PDE10A: variants seen among roughly 807,000 people sequenced by gnomAD.
PDE10A encodes the protein cAMP and cAMP-inhibited cGMP 3',5'-cyclic phosphodiesterase 10A.
In PDE10A, 39 loss-of-function variants were observed where a neutral mutation model predicts 97.7. The ratio of observed to expected loss-of-function variants is 0.40; its 90% CI spans 0.31 to 0.52. PDE10A has a LOEUF of 0.52. PDE10A is among the 20% of genes least tolerant of loss of function. The pLI is 0.56. For synonymous variants in PDE10A, 371 were observed against 376.8 expected, an observed-to-expected ratio of 0.98 and a Z score of 0.18; for missense variants, 731 against 1,047.8, an observed-to-expected ratio of 0.70 and a Z score of 4.17.
At chr6:165,929,822 G>A (rs1428218381) in intron 1 of PDE10A, among the ~76,000 whole-genome samples, 1 of 152,228 alleles carries the variant, frequency 6.6e-6, no homozygotes, top group Non-Finnish European at 1.5e-5. Context: ...GGTGGGAAGA[G>A]TGTGCTCCCT....
intron 13 of PDE10A, among the ~76,000 whole-genome samples, chr6:165,410,862 GC>G (rs1787701782): frequency 6.8e-6 from 1 of 147,450 alleles, no homozygotes; most frequent in Admixed American, 6.8e-5. Context: ...GCCGAGGCGG[GC>G]GGATCACGAG....
chr6:165,369,728 C>T (rs1181701364), intron 18 of PDE10A, among the ~76,000 whole-genome samples: 7 of 138,530 alleles, frequency 5.1e-5, no homozygotes, highest in South Asian at 2.3e-4. Flanking sequence ...ATACAGAGAA[C>T]GCCACAAAGA....
intron 2 of PDE10A, among the ~76,000 whole-genome samples, chr6:165,528,712 G>T: frequency 6.6e-6 from 1 of 152,166 alleles, no homozygotes; most frequent in East Asian, 1.9e-4. Context: ...TCACTTTATG[G>T]CTAAAGTAGT....
intron 1 of PDE10A, among the ~76,000 whole-genome samples, chr6:165,791,252 T>C (rs1305433537): frequency 6.6e-6 from 1 of 152,038 alleles, no homozygotes; most frequent in Non-Finnish European, 1.5e-5. Flanking sequence ...TGAGGTTTTT[T>C]GATTCTATGA....
In PDE10A at chr6:165,418,471, T is replaced by A. The variant is rs1788474818; in HGVS notation, c.1796+164A>T. On this transcript the variant is annotated intron_variant, in intron 11 of 21. Transcript: ENST00000539869. The surrounding 1 kb of genome is among the most constrained non-coding windows in gnomAD (Gnocchi z 4.8). Reference sequence around the variant, plus strand: ...GCGGTTTCTCGGGCACTGCCTGCAATGTCATTCCCAGAAGTACTACCTTCA... The same window carrying A: ...GCGGTTTCTCGGGCACTGCCTGCAAAGTCATTCCCAGAAGTACTACCTTCA... 6.6e-6 allele frequency among the ~76,000 whole-genome samples: 1 copy of A among 152,146 alleles called. No homozygotes were observed. Among genetic ancestry groups the A allele is most frequent in the Non-Finnish European group, 1.5e-5 (1 of 68,022 alleles).
chr6:165,342,131 G>T (rs1782009507), intron 19 of PDE10A, among the ~76,000 whole-genome samples: 1 of 152,172 alleles, frequency 6.6e-6, no homozygotes, highest in Admixed American at 6.5e-5. Context: ...GGTAGTAAAT[G>T]ATAAAATCGA....
intron 5 of PDE10A, among the ~76,000 whole-genome samples, chr6:165,443,442 C>A (rs1461440074): frequency 1.3e-5 from 2 of 152,126 alleles, no homozygotes; most frequent in Non-Finnish European, 2.9e-5. Context: ...TGTGGTTCTG[C>A]AGGGTATGGC....
At chr6:165,443,541 G>C (rs1790625785) in intron 5 of PDE10A, among the ~76,000 whole-genome samples, 2 of 152,158 alleles carry the variant, frequency 1.3e-5, no homozygotes, top group African/African-American at 4.8e-5. Flanking sequence ...ACCATTCTAA[G>C]GTCCGCAGGA....
At chr6:165,455,786 A>T (rs1777919333) in intron 3 of PDE10A, among the ~76,000 whole-genome samples, 1 of 152,170 alleles carries the variant, frequency 6.6e-6, no homozygotes, top group East Asian at 1.9e-4. Flanking sequence ...ACACTTGACC[A>T]TAGTAAGTCA....
intron 1 of PDE10A, among the ~76,000 whole-genome samples, chr6:165,753,840 A>G (rs757608209): frequency 6.2e-4 from 95 of 152,240 alleles, no homozygotes; most frequent in Non-Finnish European, 1.3e-3. Flanking sequence ...CTAGCTAGGA[A>G]TAAGAAAACA....
intron 3 of PDE10A, among the ~76,000 whole-genome samples, chr6:165,469,995 C>T (rs1778893498): frequency 6.6e-6 from 1 of 152,162 alleles, no homozygotes; most frequent in African/African-American, 2.4e-5. Flanking sequence ...ATCACTTTAG[C>T]CCTGTGGTTT....
intron 1 of PDE10A, among the ~76,000 whole-genome samples, chr6:165,596,446 G>A (rs1436085468): frequency 6.6e-6 from 1 of 152,174 alleles, no homozygotes. Flanking sequence ...ACTCTTCAAT[G>A]AACCAGGTGC....
Position 165,884,506 on chromosome 6 carries a change from A to T in PDE10A, c.-615+103023T>A, listed in dbSNP as rs532487594. 1.7e-4 allele frequency among the ~76,000 whole-genome samples: 26 copies of T among 152,314 alleles called. No homozygotes were observed. In the East Asian group the frequency reaches 5.0e-3, roughly 29 times the overall value. On this transcript the variant is annotated intron_variant, in intron 1 of 19. Transcript: ENST00000366882. ...AGTGGCAGAGTTGAAATCAGAAGCC[A>T]CGGGTCCTTTACTGTCCTACCTTCC...
At chr6:165,453,039 G>A (rs957535105) in intron 3 of PDE10A, among the ~76,000 whole-genome samples, 6 of 152,128 alleles carry the variant, frequency 3.9e-5, no homozygotes, top group Admixed American at 3.3e-4. Flanking sequence ...CAAGATACTC[G>A]CAACTGGAGT....
chr6:165,915,001 T>TGTC (rs10671596), intron 1 of PDE10A, among the ~76,000 whole-genome samples: 24,088 of 152,182 alleles, frequency 0.16, 2,053 homozygotes, highest in Non-Finnish European at 0.19. Context: ...ACAGAAACAC[T>TGTC]GTCCCATGCA....
chr6:165,825,402 C>G (rs985170170), intron 1 of PDE10A, among the ~76,000 whole-genome samples: 1 of 152,128 alleles, frequency 6.6e-6, no homozygotes, highest in Non-Finnish European at 1.5e-5. Flanking sequence ...AGTCATCACT[C>G]ATGCTAGCAG....
In PDE10A at chr6:165,924,691, CA is replaced by C. The variant is rs528701045; in HGVS notation, c.-615+62837del. On this transcript the variant is annotated intron_variant, in intron 1 of 19. Coordinates refer to the PDE10A transcript ENST00000366882. Reference sequence around the variant, plus strand: ...TAAAGAGGCAAAGATTCCCCTGAAACAAAAATCCTATCCAAGCATCCTTATG... The same window carrying C: ...TAAAGAGGCAAAGATTCCCCTGAAACAAAATCCTATCCAAGCATCCTTATG... Among the ~76,000 whole-genome samples the C allele has an allele frequency of 2.7e-3, 413 of 152,298 alleles. 2 individuals are homozygous for C. Among genetic ancestry groups the C allele is most frequent in the African/African-American group, 9.5e-3 (396 of 41,564 alleles).
In PDE10A at chr6:165,346,889, G is replaced by A. The variant is rs1320806156; in HGVS notation, c.2784-3387C>T. Among the ~76,000 whole-genome samples the A allele has an allele frequency of 6.8e-3, 1,032 of 152,242 alleles. 10 individuals carry two copies. The highest frequency in any genetic ancestry group is 0.024 in the African/African-American group (990 of 41,534). The stretch of plus-strand genomic sequence containing the variant: ...AGCAAAGACCAGAATTCTGTTATGA[G>A]GTAGTCTTAATTATTACTGTGAGAG... On this transcript the variant is annotated intron_variant, in intron 18 of 21. Transcript: ENST00000539869.
chr6:165,550,817 GA>G (rs1465549621), intron 1 of PDE10A, among the ~76,000 whole-genome samples: 5 of 152,162 alleles, frequency 3.3e-5, no homozygotes, highest in African/African-American at 1.2e-4. Flanking sequence ...TCCCACAATT[GA>G]AATGTTCAAT....
Sources: allele counts gnomAD v4.1 joint callset (sites outside exome capture counted in the v4.1 genomes callset), GRCh38; gene constraint gnomAD v4.1.1; non-coding constraint Gnocchi (gnomAD v3.1); transcripts MANE v1.5; gene names NCBI Gene and HGNC (gene_info 2026-07-23, HGNC 2026-07-21).